The following ZNF136 variants were observed in gnomAD, a reference collection of about 807,000 sequenced individuals.
ZNF136 encodes the protein zinc finger protein 136.
ZNF136 carries 8 observed loss-of-function variants against 11.4 expected under a neutral mutation model. The observed-to-expected ratio is 0.70, with a 90% CI of 0.41 to 1.27. ZNF136 has a LOEUF of 1.27. ZNF136 is among the 50% of genes most tolerant of loss of function. ZNF136 has a pLI of 0.01. For missense variants in ZNF136, 590 were observed against 656.5 expected, an observed-to-expected ratio of 0.90 and a Z score of 1.11; for synonymous variants, 190 against 207.1, an observed-to-expected ratio of 0.92 and a Z score of 0.71.
At chr19:12,168,054 T>TTGC in intron 1 of ZNF136, among the ~76,000 whole-genome samples, 1 of 140,032 alleles carries the variant, frequency 7.1e-6, no homozygotes, top group Non-Finnish European at 1.5e-5. Context: ...TTCTTTTCTT[T>TTGC]TTCTTTTTTT....
rs576971799 is a variant in ZNF136 at position 12,185,643 on chromosome 19, G to T, written c.4-142G>T. On this transcript the variant is annotated intron_variant, in intron 1 of 3. Transcript: ENST00000343979. ...ATTCTAGTATGAGAGTTGCTGTGTGGAAGGAAGTGAGTATGATGACCAAAC... is the reference window on the plus strand; with the variant it reads ...ATTCTAGTATGAGAGTTGCTGTGTGTAAGGAAGTGAGTATGATGACCAAAC... 464 of 1,049,342 alleles carry T rather than the reference G, an allele frequency of 4.4e-4. 4 individuals carry two copies. In the South Asian group the frequency reaches 8.1e-3, roughly 18 times the overall value. 65.0% of individuals were successfully genotyped at this position (1,049,342 alleles called of 1,614,324 possible). A position where few individuals can be genotyped will look rare whatever the true frequency, so the allele number is the denominator to read the frequency against.
chr19:12,173,826 T>A (rs963968802), intron 1 of ZNF136, among the ~76,000 whole-genome samples: 16 of 152,158 alleles, frequency 1.1e-4, no homozygotes, highest in African/African-American at 3.9e-4. Flanking sequence ...CATCTGCTGC[T>A]GTCCCCAGGT....
At position 12,186,616 on chromosome 19, in the gene ZNF136, C is replaced by A; in HGVS notation, c.238C>A (p.Arg80Ser). The A allele has an allele frequency of 6.2e-7, 1 of 1,613,926 alleles. No homozygotes were observed. The highest frequency in any genetic ancestry group is 8.5e-7 in the Non-Finnish European group (1 of 1,179,916). Reference sequence around the variant, plus strand: ...CTATCAAACTAAGGATGGTAGTCAGCGTGGAGGAATTTTTAGCCAGTTTGC... The same window carrying A: ...CTATCAAACTAAGGATGGTAGTCAGAGTGGAGGAATTTTTAGCCAGTTTGC... ...RLYQTKDGSQ[R>S]GGIFSQFANQ... Residue 80 changes from arginine (R) to serine (S), a missense_variant, in exon 4 of 4, where the codon CGT (arginine) becomes AGT (serine). Coordinates refer to ENST00000343979, the MANE Select transcript of ZNF136 (RefSeq NM_003437.5).
intron 1 of ZNF136, among the ~76,000 whole-genome samples, chr19:12,169,819 G>A (rs1324175237): frequency 6.7e-6 from 1 of 150,306 alleles, no homozygotes; most frequent in South Asian, 2.1e-4. Context: ...TTTTGAGACA[G>A]AGTCTCTCTC....
intron 1 of ZNF136, among the ~76,000 whole-genome samples, chr19:12,178,629 T>G (rs1218861031): frequency 6.6e-6 from 1 of 152,232 alleles, no homozygotes; most frequent in Admixed American, 6.5e-5. Flanking sequence ...TATAAAAAAT[T>G]CCATTGCAAT....
At position 12,187,338 on chromosome 19, in the gene ZNF136, C is replaced by T. The variant is rs199671223; in HGVS notation, c.960C>T (p.Leu320=). Residue 320 remains leucine (L), a synonymous_variant, in exon 4 of 4, where the codon CTC becomes CTT. Transcript: ENST00000343979. ...CKQCGKAFSY[L]PSLRLHERIH... Reference sequence around the variant, plus strand: ...AGTGTGGGAAGGCCTTCAGTTATCTCCCCTCCCTTCGACTACATGAAAGAA... The same window carrying T: ...AGTGTGGGAAGGCCTTCAGTTATCTTCCCTCCCTTCGACTACATGAAAGAA... 56 of 1,613,836 alleles carry T rather than the reference C, an allele frequency of 3.5e-5. No individual in the cohort carries two copies. The highest frequency in any genetic ancestry group is 4.6e-5 in the Non-Finnish European group (54 of 1,179,982).
Position 12,185,865 on chromosome 19 carries a change from C to G in ZNF136, c.84C>G (p.Leu28=). ...TGCTAGATCCTTCCCAGAAGAATCT[C>G]TACAGAGATGTGATGTGGGAAACCA... ...WALLDPSQKN[L]YRDVMWETMR... The change falls in exon 2 of 4, where the codon CTC becomes CTG. Residue 28 remains leucine (L), a synonymous_variant. Transcript: ENST00000343979. The G allele has an allele frequency of 6.2e-7, 1 of 1,614,036 alleles. No individual in the cohort carries two copies. The highest frequency in any genetic ancestry group is 8.5e-7 in the Non-Finnish European group (1 of 1,179,988).
chr19:12,172,520 T>G (rs531340907), intron 1 of ZNF136, among the ~76,000 whole-genome samples: 16 of 152,138 alleles, frequency 1.1e-4, no homozygotes, highest in African/African-American at 3.9e-4. Flanking sequence ...ATTGTCAGTT[T>G]AATCCTAGAC....
chr19:12,178,243 G>T (rs527292100), intron 1 of ZNF136, among the ~76,000 whole-genome samples: 2 of 152,252 alleles, frequency 1.3e-5, no homozygotes, highest in South Asian at 4.1e-4. Context: ...TCCGTGTGTT[G>T]CCTGCCTTTC....
chr19:12,177,764 CA>C lies in ZNF136; in HGVS notation c.4-8020del. Among the ~76,000 whole-genome samples the C allele has an allele frequency of 3.3e-5, 5 of 152,278 alleles. No individual in the cohort carries two copies. In the South Asian group the frequency reaches 1.0e-3, roughly 32 times the overall value. ...AACATTTTTTCATGAATGTCTTTGT[CA>C]TTTATATTTGCTCTTTTCAGAAATG... is the stretch of plus-strand genomic sequence containing the variant. On this transcript the variant is annotated intron_variant, in intron 1 of 3. Coordinates refer to ENST00000343979, the MANE Select transcript of ZNF136 (RefSeq NM_003437.5).
intron 1 of ZNF136, among the ~76,000 whole-genome samples, 193 bp downstream of exon 1, chr19:12,163,399 C>G (rs1270098527): frequency 6.6e-6 from 1 of 152,250 alleles, no homozygotes; most frequent in Non-Finnish European, 1.5e-5. Context: ...CCCCGGGCGT[C>G]CTCGTCCCGC....
At chr19:12,172,969 G>A (rs965642941) in intron 1 of ZNF136, among the ~76,000 whole-genome samples, 8 of 151,980 alleles carry the variant, frequency 5.3e-5, no homozygotes, top group African/African-American at 9.7e-5. Flanking sequence ...CCGAGATTGC[G>A]TCACTGCACT....
intron 1 of ZNF136, among the ~76,000 whole-genome samples, chr19:12,167,574 A>G (rs1977204385): frequency 6.6e-6 from 1 of 152,178 alleles, no homozygotes. Flanking sequence ...AAAAGAAAAG[A>G]TAAGACCGGG....
Position 12,163,136 on chromosome 19 carries a change from G to T in ZNF136, c.-68G>T. The T allele has an allele frequency of 7.2e-7, 1 of 1,392,498 alleles. No individual in the cohort carries two copies. Among genetic ancestry groups the T allele is most frequent in the Non-Finnish European group, 9.4e-7 (1 of 1,066,020 alleles). The allele number at this position is 1,392,498 out of a possible 1,614,324, so 86.3% of individuals were successfully genotyped here. A position where few individuals can be genotyped will look rare whatever the true frequency, so the allele number is the denominator to read the frequency against. ...CCAGAGTGGCTCGCCTGGAGTCTCTGTGGCGCGGTTTCCTGTACCTGCCTT... is the reference window on the plus strand; with the variant it reads ...CCAGAGTGGCTCGCCTGGAGTCTCTTTGGCGCGGTTTCCTGTACCTGCCTT... On this transcript the variant is annotated 5_prime_UTR_variant, in exon 1 of 4. Transcript: ENST00000343979.
chr19:12,173,906 C>CT (rs376213633), intron 1 of ZNF136, among the ~76,000 whole-genome samples: 13 of 148,852 alleles, frequency 8.7e-5, no homozygotes, highest in South Asian at 2.1e-4. Flanking sequence ...GATTACTTGC[C>CT]TTTTTTTTTT....
At chr19:12,185,998 G>T (rs1915071175) in intron 2 of ZNF136, 87 bp downstream of exon 2, 1 of 1,600,226 alleles carries the variant, frequency 6.2e-7, no homozygotes, top group Non-Finnish European at 8.5e-7. Flanking sequence ...GCATCATGGA[G>T]GGAGAGTACT....
intron 1 of ZNF136, among the ~76,000 whole-genome samples, chr19:12,178,086 G>C (rs1006196272): frequency 1.3e-5 from 2 of 152,184 alleles, no homozygotes; most frequent in African/African-American, 4.8e-5. Flanking sequence ...CAATGTGGGT[G>C]TCAGAGTGAG....
intron 1 of ZNF136, 57 bp downstream of exon 1, chr19:12,163,263 G>A (rs1977136222): frequency 1.5e-6 from 2 of 1,348,980 alleles, no homozygotes; most frequent in Admixed American, 3.0e-5. Context: ...TTGGACGACC[G>A]GAACTGGCTG....
chr19:12,167,476 A>G (rs992735450), intron 1 of ZNF136, among the ~76,000 whole-genome samples: 1 of 152,230 alleles, frequency 6.6e-6, no homozygotes, highest in Non-Finnish European at 1.5e-5. Flanking sequence ...TTGTAAGCCC[A>G]TCACTTTGGG....
Sources: allele counts gnomAD v4.1 joint callset (sites outside exome capture counted in the v4.1 genomes callset), GRCh38; gene constraint gnomAD v4.1.1; transcripts MANE v1.5; gene names NCBI Gene and HGNC (gene_info 2026-07-23, HGNC 2026-07-21).